EMC1: variants seen among roughly 807,000 people sequenced by gnomAD.
The protein encoded by EMC1 is ER membrane protein complex subunit 1, also known as KIAA0090.
Under a neutral mutation model 128.8 loss-of-function variants are expected in EMC1, and 103 were observed. That is an observed-to-expected ratio of 0.80 (90% CI 0.68 to 0.94). EMC1 has a LOEUF of 0.94. EMC1 is among the 40% of genes least tolerant of loss of function. The pLI is 0.00. For missense variants in EMC1, 1,083 were observed against 1,250.6 expected, an observed-to-expected ratio of 0.87 and a Z score of 2.02; for synonymous variants, 442 against 490.4, an observed-to-expected ratio of 0.90 and a Z score of 1.30.
chr1:19,226,615 C>T (rs1048521486), intron 18 of EMC1, among the ~76,000 whole-genome samples: 11 of 151,970 alleles, frequency 7.2e-5, no homozygotes, highest in African/African-American at 2.7e-4. Context: ...AGTGCAGCGG[C>T]ACAATTGCAG....
At chr1:19,240,540 G>A (rs2093599193) in intron 6 of EMC1, 94 bp from the exon 7 acceptor site, 1 of 1,415,134 alleles carries the variant, frequency 7.1e-7, no homozygotes, top group African/African-American at 1.4e-5. Context: ...ATCCCACTGG[G>A]GGTCCTAAGC....
rs2093403109 is a variant in EMC1 at position 19,217,499 on chromosome 1, AGAGT to A, written c.*1800_*1803del. Reference sequence around the variant, plus strand: ...GCCACTGCACTCCAGCCTGGGCAACAGAGTGAGATTCTGTCTCAAAAAAAAAAAA... The same window carrying A: ...GCCACTGCACTCCAGCCTGGGCAACAGAGATTCTGTCTCAAAAAAAAAAAA... On this transcript the variant is annotated 3_prime_UTR_variant, in exon 23 of 23. Transcript: ENST00000477853. The A allele has an allele frequency of 6.6e-6, 1 of 152,248 alleles. No homozygotes were observed. The highest frequency in any genetic ancestry group is 1.5e-5 in the Non-Finnish European group (1 of 68,118). The allele number at this position is 152,248 out of a possible 1,614,324, so 9.4% of individuals were successfully genotyped here. A position where few individuals can be genotyped will look rare whatever the true frequency, so the allele number is the denominator to read the frequency against.
chr1:19,239,236 C>T lies in EMC1; in HGVS notation c.1021G>A (p.Glu341Lys), dbSNP rs144915432. 2.1e-5 allele frequency: 34 copies of T among 1,613,968 alleles called. No homozygotes were observed. The highest frequency in any genetic ancestry group is 2.8e-5 in the Non-Finnish European group (33 of 1,179,822). ...CTGTTGTTCTCAATACTCACCACTT[C>T]ATTCCGACAGGCCATGACTGCAGCC... ...TVAAVMACRN[E>K]VQKSSSSEDG... Residue 341 changes from glutamate (E) to lysine (K), a missense_variant, in exon 9 of 23, where the codon GAA becomes AAA. Glu to Lys is a moderately conservative substitution (Grantham distance 56). This residue lies in a region of EMC1 where 544 missense variants were observed against 572.4 expected (regional missense o/e 0.95). Coordinates refer to ENST00000477853, the MANE Select transcript of EMC1 (RefSeq NM_015047.3).
Position 19,222,826 on chromosome 1 carries a change from G to C in EMC1, c.2385C>G (p.Tyr795Ter), listed in dbSNP as rs148738426. ...VHSENWVVYQ[Y>*]WNTKARRNEF... ...CGTTGCGCCGAGCCTTGGTGTTCCA[G>C]TACTGGTACTGCAGGGATAGGAGGT... The change falls in exon 20 of 23, where the codon TAC becomes TAG. Residue 795 changes from tyrosine (Y) to a stop codon, truncating the protein, a stop_gained. Coordinates refer to ENST00000477853, the MANE Select transcript of EMC1 (RefSeq NM_015047.3). LOFTEE classifies it high-confidence loss of function. The C allele has an allele frequency of 1.9e-6, 3 of 1,608,052 alleles. No homozygotes were observed. The highest frequency in any genetic ancestry group is 1.7e-6 in the Non-Finnish European group (2 of 1,175,890).
At chr1:19,229,645 G>A (rs1219313684) in intron 17 of EMC1, among the ~76,000 whole-genome samples, 4 of 152,220 alleles carry the variant, frequency 2.6e-5, no homozygotes, top group African/African-American at 9.6e-5. Context: ...GGTAAAGGAT[G>A]TGTCTTCTGG....
Position 19,223,468 on chromosome 1 carries a change from A to G in EMC1, c.2304T>C (p.Arg768=). 6.2e-7 allele frequency: 1 copy of G among 1,614,170 alleles called. No homozygotes were observed. ...GIFLIDGVTG[R]IIHSSVQKKA... ...TCTTCTGCACAGAGGAGTGAATGAT[A>G]CGCCCAGTGACGCCATCAATGAGGA... The change falls in exon 19 of 23, where the codon CGT becomes CGC. Residue 768 remains arginine (R), a synonymous_variant. Coordinates refer to ENST00000477853, the MANE Select transcript of EMC1 (RefSeq NM_015047.3).
chr1:19,238,404 T>G (rs532138720), intron 10 of EMC1, among the ~76,000 whole-genome samples: 4 of 152,318 alleles, frequency 2.6e-5, no homozygotes, highest in Non-Finnish European at 5.9e-5. Context: ...GAGGTAGGGC[T>G]GAGCAAGGTA....
intron 18 of EMC1, among the ~76,000 whole-genome samples, chr1:19,224,099 C>A (rs2093453028): frequency 6.6e-6 from 1 of 152,176 alleles, no homozygotes; most frequent in South Asian, 2.1e-4. Flanking sequence ...CCCTGCCCAG[C>A]ACTCCTTCTA....
At chr1:19,227,684 T>C (rs2093486668) in intron 17 of EMC1, among the ~76,000 whole-genome samples, 1 of 152,064 alleles carries the variant, frequency 6.6e-6, no homozygotes, top group Non-Finnish European at 1.5e-5. Flanking sequence ...CTGGCCAACA[T>C]GGCCAAACCC....
At chr1:19,244,795 G>C (rs1455515239) in intron 2 of EMC1, 111 bp downstream of exon 2, 8 of 1,233,058 alleles carry the variant, frequency 6.5e-6, no homozygotes, top group Non-Finnish European at 8.1e-6. Flanking sequence ...CACTAGGAGA[G>C]GCATCTTTTG....
chr1:19,246,226 C>T (rs2151965081), intron 1 of EMC1, among the ~76,000 whole-genome samples: 1 of 151,872 alleles, frequency 6.6e-6, no homozygotes, highest in African/African-American at 2.4e-5. Flanking sequence ...CCCATCTCTA[C>T]TAAAAATGCA....
At position 19,219,061 on chromosome 1, in the gene EMC1, A is replaced by G. The variant is rs1251653764; in HGVS notation, c.*242T>C. 2 of 460,036 alleles carry G rather than the reference A, an allele frequency of 4.3e-6. No individual in the cohort carries two copies. Among genetic ancestry groups the G allele is most frequent in the Non-Finnish European group, 7.8e-6 (2 of 255,748 alleles). The allele number at this position is 460,036 out of a possible 1,614,324, so 28.5% of individuals were successfully genotyped here. On this transcript the variant is annotated 3_prime_UTR_variant, in exon 23 of 23. Transcript: ENST00000477853. ...GCAGACGCCTTTGGACTTCAAGAGA[A>G]AGCCCATCAGGAATCTCTGAGAGTG... is the stretch of plus-strand genomic sequence containing the variant.
At chr1:19,223,727 G>C (rs1158672526) in intron 18 of EMC1, among the ~76,000 whole-genome samples, 158 bp from the exon 19 acceptor site, 2 of 152,184 alleles carry the variant, frequency 1.3e-5, no homozygotes, top group Non-Finnish European at 2.9e-5. Flanking sequence ...CACTGCACTT[G>C]TTTTATGTGC....
At chr1:19,241,280 G>T in intron 5 of EMC1, 138 bp from the exon 6 acceptor site, 1 of 925,708 alleles carries the variant, frequency 1.1e-6, no homozygotes, top group Non-Finnish European at 1.6e-6. Flanking sequence ...CAGTTTGGGG[G>T]CTTTTGTTGT....
chr1:19,227,001 T>C (rs768310414), intron 18 of EMC1, among the ~76,000 whole-genome samples: 9 of 151,764 alleles, frequency 5.9e-5, no homozygotes, highest in Non-Finnish European at 1.3e-4. Flanking sequence ...CACTCCAGCC[T>C]GGGCAACAGA....
chr1:19,220,958 G>T, intron 20 of EMC1, 110 bp from the exon 21 acceptor site: 1 of 698,290 alleles, frequency 1.4e-6, no homozygotes, highest in Non-Finnish European at 2.4e-6. Flanking sequence ...AAAAAAATGG[G>T]TCAATGAGGC....
chr1:19,225,865 T>C (rs1023576735), intron 18 of EMC1, among the ~76,000 whole-genome samples: 1 of 151,860 alleles, frequency 6.6e-6, no homozygotes, highest in Admixed American at 6.6e-5. Context: ...ATGTTAAGTA[T>C]GTGGCAGGCA....
chr1:19,223,693 A>G (rs2093449478), intron 18 of EMC1, 124 bp from the exon 19 acceptor site: 3 of 835,908 alleles, frequency 3.6e-6, no homozygotes, highest in African/African-American at 1.7e-5. Flanking sequence ...TGGTGAAAAG[A>G]GCTTCCTGTT....
chr1:19,241,163 C>T, intron 5 of EMC1, 21 bp from the exon 6 acceptor site: 1 of 1,613,662 alleles, frequency 6.2e-7, no homozygotes, highest in Non-Finnish European at 8.5e-7. Context: ...GAAGAAGAAA[C>T]CGCAGCGTCA....
Sources: allele counts gnomAD v4.1 joint callset (sites outside exome capture counted in the v4.1 genomes callset), GRCh38; gene constraint gnomAD v4.1.1; regional missense constraint gnomAD v4.1.1; transcripts MANE v1.5; gene names NCBI Gene and HGNC (gene_info 2026-07-23, HGNC 2026-07-21).